ITPR2: variants seen among roughly 807,000 people sequenced by gnomAD.
ITPR2 encodes the protein inositol 1,4,5-trisphosphate-gated calcium channel ITPR2.
ITPR2 carries 207 observed loss-of-function variants against 317.1 expected under a neutral mutation model. That is an observed-to-expected ratio of 0.65 (90% CI 0.58 to 0.73). ITPR2 has a LOEUF of 0.73. Ranked by LOEUF, ITPR2 falls within the 30% of genes least tolerant of loss-of-function variation. The probability of loss-of-function intolerance (pLI) is 0.00; values close to 1 mark genes in which losing one functional copy is unlikely to be tolerated. For missense variants in ITPR2, 2,613 were observed against 3,284.0 expected, an observed-to-expected ratio of 0.80 and a Z score of 4.99; for synonymous variants, 1,156 against 1,149.1, an observed-to-expected ratio of 1.01 and a Z score of -0.12.
At chr12:26,528,423 T>C (rs1943862905) in intron 37 of ITPR2, among the ~76,000 whole-genome samples, 1 of 152,210 alleles carries the variant, frequency 6.6e-6, no homozygotes, top group South Asian at 2.1e-4. Context: ...TTCTATCCTA[T>C]CATGTCCTCT....
intron 51 of ITPR2, among the ~76,000 whole-genome samples, chr12:26,413,448 C>T (rs969286282): frequency 1.3e-5 from 2 of 152,198 alleles, no homozygotes; most frequent in African/African-American, 4.8e-5. Flanking sequence ...ACTCAATATA[C>T]ATAGTCAACT....
chr12:26,724,140 T>C (rs747079398), intron 4 of ITPR2, among the ~76,000 whole-genome samples: 1 of 152,186 alleles, frequency 6.6e-6, no homozygotes, highest in Non-Finnish European at 1.5e-5. Context: ...AGGTGGGGCA[T>C]ATATTAACAA....
rs1555117374 is a variant in ITPR2, at chr12:26,391,556, C to CTTT, written c.7697-3965_7697-3963dup. On this transcript the variant is annotated intron_variant, in intron 54 of 56. Coordinates refer to ENST00000381340, the MANE Select transcript of ITPR2 (RefSeq NM_002223.4). Reference sequence around the variant, plus strand: ...GCTTCTTCTTCTTCTTCTTCTTTTCCTTTTTTTTTTTTTTTTTTTTTTTTT... The same window carrying CTTT: ...GCTTCTTCTTCTTCTTCTTCTTTTCCTTTTTTTTTTTTTTTTTTTTTTTTTTTT... Among the ~76,000 whole-genome samples, 80 of 98,552 alleles carry CTTT rather than the reference C, an allele frequency of 8.1e-4. 7 individuals carry two copies. The highest frequency in any genetic ancestry group is 1.3e-3 in the African/African-American group (31 of 23,226). 64.7% of individuals were successfully genotyped at this position (98,552 alleles called of 152,430 possible). A position where few individuals can be genotyped will look rare whatever the true frequency, so the allele number is the denominator to read the frequency against.
intron 32 of ITPR2, among the ~76,000 whole-genome samples, chr12:26,591,265 T>C (rs1338861026): frequency 1.3e-5 from 2 of 151,992 alleles, no homozygotes; most frequent in Non-Finnish European, 2.9e-5. Flanking sequence ...GATTCAAAAA[T>C]GGGCAAAAGA....
intron 55 of ITPR2, among the ~76,000 whole-genome samples, chr12:26,387,170 G>A (rs1369795944): frequency 2.0e-5 from 3 of 152,190 alleles, no homozygotes; most frequent in Non-Finnish European, 2.9e-5. Context: ...GAACATAACT[G>A]AGATGGTGCT....
chr12:26,494,337 C>T lies in ITPR2; in HGVS notation c.5186G>A (p.Ser1729Asn), dbSNP rs547139346. ...AYSKTAQVGG[S>N]FSGQDSDKMG... is the part of the protein sequence containing the mutation. Reference sequence around the variant, plus strand: ...CTTATCTGAATCTTGTCCAGAAAAGCTTCCTGTGATTGGGAAAAATAAATA... The same window carrying T: ...CTTATCTGAATCTTGTCCAGAAAAGTTTCCTGTGATTGGGAAAAATAAATA... The change falls in exon 39 of 57, where the codon AGC (serine) becomes AAC (asparagine). Residue 1729 changes from serine (S) to asparagine (N), a missense_variant. This residue lies in a region of ITPR2 where 926 missense variants were observed against 1,072.8 expected (regional missense o/e 0.86). Coordinates refer to ENST00000381340, the MANE Select transcript of ITPR2 (RefSeq NM_002223.4). 1.1e-5 allele frequency: 18 copies of T among 1,595,602 alleles called. 2 individuals carry two copies. The South Asian group carries it at 1.7e-4, about 15-fold the overall frequency.
At chr12:26,808,627 T>C (rs2137259210) in intron 1 of ITPR2, among the ~76,000 whole-genome samples, 1 of 152,236 alleles carries the variant, frequency 6.6e-6, no homozygotes, top group East Asian at 1.9e-4. Flanking sequence ...AGGGATAGCC[T>C]TCAAGGAATC....
intron 37 of ITPR2, among the ~76,000 whole-genome samples, chr12:26,509,500 T>C (rs771005403): frequency 6.6e-5 from 10 of 152,170 alleles, no homozygotes; most frequent in Admixed American, 1.3e-4. Flanking sequence ...AGGAAAATAA[T>C]GTCAGTTCTG....
At chr12:26,621,043 T>C in intron 26 of ITPR2, 80 bp downstream of exon 26, 1 of 1,286,522 alleles carries the variant, frequency 7.8e-7, no homozygotes, top group Non-Finnish European at 1.1e-6. Context: ...TATGAACAAT[T>C]TTGATTGTAG....
At chr12:26,591,697 G>T (rs999782535) in intron 32 of ITPR2, among the ~76,000 whole-genome samples, 7 of 151,742 alleles carry the variant, frequency 4.6e-5, no homozygotes, top group Admixed American at 2.6e-4. Flanking sequence ...AATTAGCCAG[G>T]CATGGTGGTG....
intron 49 of ITPR2, among the ~76,000 whole-genome samples, chr12:26,425,004 G>A (rs758105003): frequency 6.6e-5 from 10 of 151,610 alleles, no homozygotes; most frequent in East Asian, 1.9e-4. Flanking sequence ...AGTGTGATCC[G>A]CCCACCTCAG....
intron 2 of ITPR2, among the ~76,000 whole-genome samples, chr12:26,749,221 T>A (rs928887558): frequency 6.6e-6 from 1 of 152,166 alleles, no homozygotes; most frequent in Non-Finnish European, 1.5e-5. Flanking sequence ...AGGACTGACT[T>A]TTAAATGTCC....
At chr12:26,757,536 T>C (rs1949548036) in intron 2 of ITPR2, among the ~76,000 whole-genome samples, 1 of 152,152 alleles carries the variant, frequency 6.6e-6, no homozygotes, top group African/African-American at 2.4e-5. Context: ...AATTTCTTAA[T>C]AAATTTGCTT....
At chr12:26,645,930 C>T (rs117398531) in intron 21 of ITPR2, among the ~76,000 whole-genome samples, 2,017 of 150,956 alleles carry the variant, frequency 0.013, 28 homozygotes, top group Non-Finnish European at 0.018. Flanking sequence ...TCTCACCTCA[C>T]ACTCGGTTAA....
chr12:26,626,477 C>G (rs1316329313), intron 23 of ITPR2, among the ~76,000 whole-genome samples: 1 of 152,218 alleles, frequency 6.6e-6, no homozygotes, highest in Non-Finnish European at 1.5e-5. Flanking sequence ...ACTTAAAACT[C>G]ATGTTTCCAG....
At chr12:26,508,675 T>C (rs1365139558) in intron 37 of ITPR2, among the ~76,000 whole-genome samples, 1 of 152,188 alleles carries the variant, frequency 6.6e-6, no homozygotes, top group Admixed American at 6.5e-5. Flanking sequence ...AGTTGCCCCT[T>C]GATACCATCT....
intron 37 of ITPR2, among the ~76,000 whole-genome samples, chr12:26,527,693 T>C (rs1444490906): frequency 1.3e-5 from 2 of 152,240 alleles, no homozygotes; most frequent in East Asian, 1.9e-4. Context: ...TCATCAGATA[T>C]GTTTCTGTGG....
chr12:26,411,256 A>C, intron 52 of ITPR2, 64 bp downstream of exon 52: 3 of 1,040,550 alleles, frequency 2.9e-6, no homozygotes, highest in Non-Finnish European at 4.5e-6. Context: ...AGAGGTAATA[A>C]TATTTACTAA....
intron 37 of ITPR2, among the ~76,000 whole-genome samples, chr12:26,503,246 A>G (rs1402992366): frequency 1.4e-5 from 2 of 142,066 alleles, no homozygotes; most frequent in African/African-American, 5.4e-5. Context: ...CAAAGACCTC[A>G]TTATTTTTCC....
Sources: allele counts gnomAD v4.1 joint callset (sites outside exome capture counted in the v4.1 genomes callset), GRCh38; gene constraint gnomAD v4.1.1; regional missense constraint gnomAD v4.1.1; transcripts MANE v1.5; gene names NCBI Gene and HGNC (gene_info 2026-07-23, HGNC 2026-07-21).